Variants in SVIL observed in about 807,000 individuals in gnomAD.
SVIL encodes supervillin.
A neutral mutation model predicts 240.4 loss-of-function variants in SVIL; 101 were observed. That is an observed-to-expected ratio of 0.42 (90% CI 0.36 to 0.50). The LOEUF is 0.50. Among genes scored for constraint, SVIL ranks in the 20% least tolerant of loss-of-function variants. SVIL has a pLI of 0.01. For missense variants in SVIL, 2,512 were observed against 2,818.7 expected (o/e 0.89, Z 2.46); for synonymous variants, 999 against 1,100.0 (o/e 0.91, Z 1.82).
intron 1 of SVIL, among the ~76,000 whole-genome samples, chr10:29,569,743 A>G (rs1232949109): frequency 6.6e-6 from 1 of 152,176 alleles, no homozygotes; most frequent in Non-Finnish European, 1.5e-5. Flanking sequence ...GCCTTTAAAG[A>G]ATGGGGGTGG....
chr10:29,667,700 A>T (rs1241388305), intron 2 of SVIL, among the ~76,000 whole-genome samples: 1 of 152,042 alleles, frequency 6.6e-6, no homozygotes, highest in African/African-American at 2.4e-5. Flanking sequence ...AAGAATAAAA[A>T]TAAGCCAGGT....
intron 1 of SVIL, among the ~76,000 whole-genome samples, chr10:29,629,312 G>A (rs528933734): frequency 1.3e-5 from 2 of 152,186 alleles, no homozygotes; most frequent in South Asian, 2.1e-4. Flanking sequence ...AGCCCCCTTC[G>A]AGTCCCGCAC....
At chr10:29,518,930 TAGCACTG>T (rs1421081726) in intron 16 of SVIL, among the ~76,000 whole-genome samples, 13 of 152,182 alleles carry the variant, frequency 8.5e-5, no homozygotes, top group Admixed American at 7.9e-4. Context: ...TGACGCTGGG[TAGCACTG>T]AGCACTGAGA....
At chr10:29,540,330 G>C (rs1389577409) in intron 6 of SVIL, among the ~76,000 whole-genome samples, 2 of 151,952 alleles carry the variant, frequency 1.3e-5, no homozygotes, top group Non-Finnish European at 2.9e-5. Flanking sequence ...GAGAGAGAGA[G>C]ACTTCGTTCA....
chr10:29,672,884 C>A (rs534270637), intron 2 of SVIL, among the ~76,000 whole-genome samples: 3 of 151,982 alleles, frequency 2.0e-5, no homozygotes, highest in Non-Finnish European at 2.9e-5. Flanking sequence ...TGGCACACAG[C>A]AGGATCTTAG....
chr10:29,557,756 G>GTTGT (rs1954071741), intron 3 of SVIL, among the ~76,000 whole-genome samples: 1 of 152,148 alleles, frequency 6.6e-6, no homozygotes, highest in Admixed American at 6.5e-5. Flanking sequence ...TGCCCTTCCA[G>GTTGT]TGAACACTGC....
intron 3 of SVIL, among the ~76,000 whole-genome samples, chr10:29,647,986 CA>C (rs1158890827): frequency 1.2e-5 from 1 of 85,956 alleles, no homozygotes; most frequent in South Asian, 3.6e-4. Flanking sequence ...AAAAAAAAAA[CA>C]AAAAAAATCA....
intron 17 of SVIL, among the ~76,000 whole-genome samples, chr10:29,500,308 A>G (rs1375698238): frequency 1.3e-5 from 2 of 152,106 alleles, no homozygotes; most frequent in Non-Finnish European, 2.9e-5. Context: ...CTGCACCGCA[A>G]GACCCCTGTT....
In SVIL at chr10:29,696,561, G is replaced by C. The variant is rs779450538; in HGVS notation, c.-399-9910C>G. Among the ~76,000 whole-genome samples the C allele has an allele frequency of 6.6e-5, 10 of 151,102 alleles. No homozygotes were observed. In the South Asian group the frequency reaches 1.5e-3, roughly 22 times the overall value. On this transcript the variant is annotated intron_variant, in intron 1 of 35. Coordinates refer to the SVIL transcript ENST00000375400. ...TAGGAAGTGAGGAGCATCTCTGCCC[G>C]GCAGCCCATCGTCTGAGATGTGGGG...
At chr10:29,649,710 A>G (rs1265237536) in intron 3 of SVIL, among the ~76,000 whole-genome samples, 1 of 152,234 alleles carries the variant, frequency 6.6e-6, no homozygotes, top group Non-Finnish European at 1.5e-5. Flanking sequence ...AAACAAACAC[A>G]GCTTGGATTC....
At chr10:29,681,794 T>C (rs577258860) in intron 2 of SVIL, among the ~76,000 whole-genome samples, 28 of 152,290 alleles carry the variant, frequency 1.8e-4, no homozygotes, top group African/African-American at 5.5e-4. Flanking sequence ...ACTAGGCACA[T>C]TGCAATAAGG....
intron 10 of SVIL, 148 bp from the exon 11 acceptor site, chr10:29,530,816 G>A (rs1951309382): frequency 1.1e-6 from 1 of 887,742 alleles, no homozygotes; most frequent in Non-Finnish European, 1.8e-6. Flanking sequence ...CCCTTGCAGG[G>A]AGCCCATTCT....
At chr10:29,566,596 A>T (rs1954984082) in intron 2 of SVIL, among the ~76,000 whole-genome samples, 1 of 152,248 alleles carries the variant, frequency 6.6e-6, no homozygotes, top group African/African-American at 2.4e-5. Flanking sequence ...GGCACCGATC[A>T]TCAATGAAAA....
intron 5 of SVIL, among the ~76,000 whole-genome samples, chr10:29,552,096 C>CTCT (rs1953404248): frequency 6.8e-6 from 1 of 147,268 alleles, no homozygotes; most frequent in Non-Finnish European, 1.5e-5. Context: ...CTAACCTGAG[C>CTCT]AAGAGAGCAA....
intron 1 of SVIL, among the ~76,000 whole-genome samples, chr10:29,583,029 G>T (rs1465416477): frequency 6.6e-6 from 1 of 152,124 alleles, no homozygotes; most frequent in Admixed American, 6.6e-5. Flanking sequence ...CGTCACAGAG[G>T]AGAATTTCCT....
chr10:29,528,748 C>A (rs953904840), intron 12 of SVIL, among the ~76,000 whole-genome samples: 3 of 151,632 alleles, frequency 2.0e-5, no homozygotes, highest in Non-Finnish European at 4.4e-5. Context: ...AAAAAACAAA[C>A]AATGCCCCCC....
intron 2 of SVIL, among the ~76,000 whole-genome samples, chr10:29,674,420 C>T (rs113339175): frequency 2.3e-3 from 350 of 152,190 alleles, no homozygotes; most frequent in African/African-American, 7.7e-3. Flanking sequence ...AGGCACTGAT[C>T]GAGGCAGTGA....
intron 17 of SVIL, chr10:29,508,242 A>G (rs558926007): frequency 3.1e-6 from 2 of 655,160 alleles, no homozygotes; most frequent in East Asian, 1.3e-4. Context: ...GAAAAGCACC[A>G]GGGAGGGTGC....
intron 1 of SVIL, among the ~76,000 whole-genome samples, chr10:29,703,949 A>G (rs1398401359): frequency 6.6e-6 from 1 of 152,068 alleles, no homozygotes; most frequent in Non-Finnish European, 1.5e-5. Flanking sequence ...CCACAGCCAC[A>G]TGACACCACC....
Sources: gnomAD v4.1 joint callset for allele counts (sites outside exome capture counted in the v4.1 genomes callset) on GRCh38, gnomAD v4.1.1 for gene constraint, MANE v1.5 for transcripts, NCBI Gene and HGNC (gene_info 2026-07-23, HGNC 2026-07-21) for gene names.